The following CCDC71 variants were observed in gnomAD, a reference collection of about 807,000 sequenced individuals.
CCDC71 encodes coiled-coil domain containing 71.
For synonymous variants in CCDC71, 257 were observed against 242.2 expected (o/e 1.06, Z -0.57); for missense variants, 594 against 604.0 (o/e 0.98, Z 0.17).
intron 1 of CCDC71, 29 bp from the exon 2 acceptor site, chr3:49,164,289 A>C: frequency 7.3e-7 from 1 of 1,374,230 alleles, no homozygotes; most frequent in Non-Finnish European, 1.0e-6. Flanking sequence ...AGAGTCAATA[A>C]GAATGGCACT....
chr3:49,165,266 C>T (rs1325803009), intron 1 of CCDC71, among the ~76,000 whole-genome samples: 1 of 152,210 alleles, frequency 6.6e-6, no homozygotes, highest in Non-Finnish European at 1.5e-5. Flanking sequence ...GGGACATTAG[C>T]GGTATGCACT....
Position 49,163,224 on chromosome 3 carries a change from C to T in CCDC71, c.985G>A (p.Val329Ile), listed in dbSNP as rs1317352018. ...KAKAKAKAAQ[V>I]KAKAKVMAAW... ...GCCATGACTTTGGCCTTGGCCTTGA[C>T]CTGTGCTGCCTTAGCTTTGGCCTTA... Residue 329 changes from valine to isoleucine, a missense_variant, in exon 2 of 2, where the codon GTC becomes ATC. Physicochemically the swap from Val to Ile is conservative, Grantham distance 29 (BLOSUM62 3). Transcript: ENST00000321895. 6.4e-7 allele frequency: 1 copy of T among 1,572,092 alleles called. No homozygotes were observed. Among genetic ancestry groups the T allele is most frequent in the Non-Finnish European group, 8.7e-7 (1 of 1,148,904 alleles).
rs1464383748 is a variant in CCDC71 at position 49,163,587 on chromosome 3, A to C, written c.622T>G (p.Ser208Ala). Residue 208 changes from serine (S) to alanine (A), a missense_variant, in exon 2 of 2, where the codon TCT becomes GCT. Physicochemically the swap from Ser to Ala is moderately conservative, Grantham distance 99. Transcript: ENST00000321895. ...GAACTTTTCCGCAGTTTCAGAGGAG[A>C]GTCTGCAAGTGAGAGCTGCAGTGAC... The part of the protein sequence containing the change: ...AQSLQLSLAD[S>A]PLKLRKSSGK... The C allele has an allele frequency of 6.2e-7, 1 of 1,614,058 alleles. No individual in the cohort carries two copies. Among genetic ancestry groups the C allele is most frequent in the African/African-American group, 1.3e-5 (1 of 74,918 alleles).
intron 1 of CCDC71, among the ~76,000 whole-genome samples, chr3:49,164,865 GA>G (rs2045713901): frequency 6.6e-6 from 1 of 152,168 alleles, no homozygotes; most frequent in Non-Finnish European, 1.5e-5. Flanking sequence ...GGATCTAGGT[GA>G]AAAAACAGGC....
chr3:49,164,989 G>T (rs1352635438), intron 1 of CCDC71, among the ~76,000 whole-genome samples: 1 of 152,156 alleles, frequency 6.6e-6, no homozygotes, highest in Non-Finnish European at 1.5e-5. Context: ...GAGCTGGAGT[G>T]GGGTGGGGGA....
chr3:49,163,780 C>T lies in CCDC71; in HGVS notation c.429G>A (p.Leu143=). 1 of 1,614,108 alleles carries T rather than the reference C, an allele frequency of 6.2e-7. No homozygotes were observed. The highest frequency in any genetic ancestry group is 8.5e-7 in the Non-Finnish European group (1 of 1,180,022). The stretch of plus-strand genomic sequence containing the variant: ...TGGCACTTGATTGCTTCAGAGAGCT[C>T]AGCAGCAGGTTGGTGGTAGCATGCT... The part of the protein sequence containing the change: ...LAKHATTNLL[L]SSLKQSSASH... Residue 143 remains leucine, a synonymous_variant, in exon 2 of 2, where the codon CTG becomes CTA. Transcript: ENST00000321895.
At chr3:49,165,258 G>A (rs2045716224) in intron 1 of CCDC71, among the ~76,000 whole-genome samples, 1 of 152,220 alleles carries the variant, frequency 6.6e-6, no homozygotes, top group Non-Finnish European at 1.5e-5. Context: ...GAGTCAAGGG[G>A]ACATTAGCGG....
rs1269555748 is a variant in CCDC71 at position 49,166,098 on chromosome 3, G to C, written c.-53+169C>G. On this transcript the variant is annotated intron_variant, in intron 1 of 1. Transcript: ENST00000321895. The surrounding 1 kb of genome is among the most constrained non-coding windows in gnomAD (Gnocchi z 4.0). ...GAACGGTGCTAGCCCTACCGGGACC[G>C]CACAGCCCCAGGGTGGGGTCGCTGG... 3.5e-5 allele frequency among the ~76,000 whole-genome samples: 5 copies of C among 142,392 alleles called. No homozygotes were observed. Among genetic ancestry groups the C allele is most frequent in the Non-Finnish European group, 7.8e-5 (5 of 64,466 alleles). 93.4% of individuals were successfully genotyped at this position (142,392 alleles called of 152,430 possible).
chr3:49,165,354 A>G (rs1477895160), intron 1 of CCDC71, among the ~76,000 whole-genome samples: 4 of 152,260 alleles, frequency 2.6e-5, no homozygotes, highest in African/African-American at 9.6e-5. Context: ...AACTACTCCC[A>G]GACTTCTTTA....
rs986278587 is a variant in CCDC71 at position 49,164,075 on chromosome 3, T to G, written c.134A>C (p.Glu45Ala). Residue 45 changes from glutamate to alanine, a missense_variant, in exon 2 of 2, where the codon GAG (glutamate) becomes GCG (alanine). Transcript: ENST00000321895. The stretch of plus-strand genomic sequence containing the variant: ...CTGCAGGAAGGCCACAAGCTGGGCC[T>G]CTGTGGCACTGAGATCCTGGCTCAT... ...NPMSQDLSAT[E>A]AQLVAFLQGL... 6.2e-7 allele frequency: 1 copy of G among 1,614,094 alleles called. No homozygotes were observed. The highest frequency in any genetic ancestry group is 8.5e-7 in the Non-Finnish European group (1 of 1,180,024).
At position 49,163,487 on chromosome 3, in the gene CCDC71, C is replaced by A. The variant is rs749514692; in HGVS notation, c.722G>T (p.Arg241Leu). 6.2e-7 allele frequency: 1 copy of A among 1,614,116 alleles called. No homozygotes were observed. ...TTSKGPKCLT[R>L]KGPGAGPRRG... Reference sequence around the variant, plus strand: ...TCGGGGTCCAGCCCCAGGGCCTTTGCGAGTCAGACACTTGGGGCCCTTGCT... The same window carrying A: ...TCGGGGTCCAGCCCCAGGGCCTTTGAGAGTCAGACACTTGGGGCCCTTGCT... Residue 241 changes from arginine to leucine, a missense_variant, in exon 2 of 2, where the codon CGC becomes CTC. Coordinates refer to ENST00000321895, the MANE Select transcript of CCDC71 (RefSeq NM_022903.4).
chr3:49,164,295 G>C, intron 1 of CCDC71, 35 bp from the exon 2 acceptor site: 1 of 1,326,410 alleles, frequency 7.5e-7, no homozygotes, highest in South Asian at 1.3e-5. Context: ...AATAAGAATG[G>C]CACTAAGACA....
chr3:49,164,653 T>C (rs2045712564), intron 1 of CCDC71, among the ~76,000 whole-genome samples: 1 of 152,160 alleles, frequency 6.6e-6, no homozygotes, highest in African/African-American at 2.4e-5. Flanking sequence ...AAAAAGACAC[T>C]GTTAAGATTC....
chr3:49,163,778 CTCA>C lies in CCDC71; in HGVS notation c.428_430del (p.Leu143_Ser144delinsArg). 1 of 1,614,104 alleles carries C rather than the reference CTCA, an allele frequency of 6.2e-7. No individual in the cohort carries two copies. Among genetic ancestry groups the C allele is most frequent in the Non-Finnish European group, 8.5e-7 (1 of 1,180,018 alleles). On this transcript the variant is annotated inframe_deletion, in exon 2 of 2. Coordinates refer to ENST00000321895, the MANE Select transcript of CCDC71 (RefSeq NM_022903.4). Reference sequence around the variant, plus strand: ...GCTGGCACTTGATTGCTTCAGAGAGCTCAGCAGCAGGTTGGTGGTAGCATGCTT... The same window carrying C: ...GCTGGCACTTGATTGCTTCAGAGAGCGCAGCAGGTTGGTGGTAGCATGCTT...
intron 1 of CCDC71, among the ~76,000 whole-genome samples, chr3:49,165,134 T>G (rs2045715653): frequency 6.6e-6 from 1 of 152,084 alleles, no homozygotes; most frequent in South Asian, 2.1e-4. Flanking sequence ...AGCTGATGAG[T>G]AGCAGGTGCC....
chr3:49,162,698 G>A lies in CCDC71; in HGVS notation c.*107C>T, dbSNP rs2045697481. 6.1e-6 allele frequency: 6 copies of A among 989,494 alleles called. No individual in the cohort carries two copies. The South Asian group carries it at 9.4e-5, about 15-fold the overall frequency. The allele number at this position is 989,494 out of a possible 1,614,324, so 61.3% of individuals were successfully genotyped here. ...CTGGTGGTCACCAGGGCCCTAGAGAGGCACCGGGAGTCCTCAAGATTGTGG... is the reference window on the plus strand; with the variant it reads ...CTGGTGGTCACCAGGGCCCTAGAGAAGCACCGGGAGTCCTCAAGATTGTGG... On this transcript the variant is annotated 3_prime_UTR_variant, in exon 2 of 2. Transcript: ENST00000321895.
chr3:49,162,760 CAG>C lies in CCDC71; in HGVS notation c.*43_*44del. 1 of 1,578,130 alleles carries C rather than the reference CAG, an allele frequency of 6.3e-7. No individual in the cohort carries two copies. The highest frequency in any genetic ancestry group is 8.6e-7 in the Non-Finnish European group (1 of 1,160,034). On this transcript the variant is annotated 3_prime_UTR_variant, in exon 2 of 2. Transcript: ENST00000321895. ...ATAGCACACTGTGCCACTAGCCACA[CAG>C]ACAGCTGGGCTTAGTTTCCCCAAAC...
chr3:49,163,178 G>A lies in CCDC71; in HGVS notation c.1031C>T (p.Ala344Val). Residue 344 changes from alanine (A) to valine (V), a missense_variant, in exon 2 of 2, where the codon GCT (alanine) becomes GTT (valine). By Grantham distance (64) the Ala-to-Val change is moderately conservative. Coordinates refer to ENST00000321895, the MANE Select transcript of CCDC71 (RefSeq NM_022903.4). ...KVMAAWAKAK[A>V]KAKAVRAKAK... Reference sequence around the variant, plus strand: ...CTTGGCCCGTACTGCCTTGGCTTTAGCCTTGGCCTTGGCCCATGCTGCCAT... The same window carrying A: ...CTTGGCCCGTACTGCCTTGGCTTTAACCTTGGCCTTGGCCCATGCTGCCAT... The A allele has an allele frequency of 1.3e-6, 2 of 1,568,996 alleles. No individual in the cohort carries two copies. Among genetic ancestry groups the A allele is most frequent in the African/African-American group, 1.4e-5 (1 of 74,000 alleles).
In CCDC71 at chr3:49,162,977, G is replaced by T; in HGVS notation, c.1232C>A (p.Ser411Tyr). The T allele has an allele frequency of 6.2e-7, 1 of 1,614,280 alleles. No individual in the cohort carries two copies. The change falls in exon 2 of 2, where the codon TCT becomes TAT. Residue 411 changes from serine to tyrosine, a missense_variant. Transcript: ENST00000321895. ...PKKRTRLGPR[S>Y]PKAWLGPGTA... is the part of the protein sequence containing the mutation. Reference sequence around the variant, plus strand: ...TCCAGGCCCTAGCCATGCCTTAGGAGATCGGGGCCCAAGCCGTGTTCTCTT... The same window carrying T: ...TCCAGGCCCTAGCCATGCCTTAGGATATCGGGGCCCAAGCCGTGTTCTCTT...
Sources: allele counts gnomAD v4.1 joint callset (sites outside exome capture counted in the v4.1 genomes callset), GRCh38; gene constraint gnomAD v4.1.1; non-coding constraint Gnocchi (gnomAD v3.1); transcripts MANE v1.5; gene names NCBI Gene and HGNC (gene_info 2026-07-23, HGNC 2026-07-21).